The following GOLGA4 variants were observed in gnomAD, a reference collection of about 807,000 sequenced individuals.
GOLGA4 encodes golgin A4.
A neutral mutation model predicts 265.9 loss-of-function variants in GOLGA4; 169 were observed. The observed-to-expected ratio is 0.64, with a 90% CI of 0.56 to 0.72. The LOEUF is 0.72. GOLGA4 is among the 30% of genes least tolerant of loss of function. The probability of loss-of-function intolerance (pLI) is 0.00; values close to 1 mark genes in which losing one functional copy is unlikely to be tolerated. For synonymous variants in GOLGA4, 923 were observed against 855.8 expected (o/e 1.08, Z -1.37); for missense variants, 2,482 against 2,483.4 (o/e 1.00, Z 0.01).
intron 1 of GOLGA4, chr3:37,245,530 TATTG>T (rs1360679683): frequency 6.6e-6 from 1 of 152,206 alleles, no homozygotes; most frequent in East Asian, 1.9e-4. Flanking sequence ...GCTGGTGAAT[TATTG>T]AGTGTGCTTT....
At chr3:37,310,364 G>C (rs151134863) in intron 10 of GOLGA4, among the ~76,000 whole-genome samples, 2 of 152,258 alleles carry the variant, frequency 1.3e-5, no homozygotes. Flanking sequence ...ATTCTTCCTA[G>C]CTGTATCTAA....
At chr3:37,364,489 G>T (rs1231671002) in intron 23 of GOLGA4, among the ~76,000 whole-genome samples, 3 of 151,790 alleles carry the variant, frequency 2.0e-5, no homozygotes, top group Admixed American at 6.6e-5. Context: ...TGATCCACCT[G>T]CCTTGGCCTC....
intron 2 of GOLGA4, among the ~76,000 whole-genome samples, chr3:37,278,084 TCA>T (rs1402891904): frequency 2.0e-5 from 3 of 152,318 alleles, no homozygotes; most frequent in Non-Finnish European, 2.9e-5. Context: ...TAAAATAATC[TCA>T]CTTTTAAATT....
chr3:37,302,505 G>T (rs999373407), intron 10 of GOLGA4, among the ~76,000 whole-genome samples, 173 bp downstream of exon 10: 1 of 152,270 alleles, frequency 6.6e-6, no homozygotes, highest in Admixed American at 6.5e-5. Flanking sequence ...ACTGTGGCCT[G>T]TGGGCCAGAT....
rs36078971 is a variant in GOLGA4 at position 37,363,166 on chromosome 3, G to A, written c.*33+1861G>A. Among the ~76,000 whole-genome samples the A allele has an allele frequency of 1.7e-3, 262 of 152,100 alleles. 2 individuals are homozygous for A. Among genetic ancestry groups the A allele is most frequent in the African/African-American group, 5.9e-3 (244 of 41,490 alleles). Reference sequence around the variant, plus strand: ...AATATATATTATTTGATTTGCCTTAGCGATTATCCAGAACTGTCTTATTTT... The same window carrying A: ...AATATATATTATTTGATTTGCCTTAACGATTATCCAGAACTGTCTTATTTT... On this transcript the variant is annotated intron_variant, in intron 23 of 23. Coordinates refer to ENST00000361924, the MANE Select transcript of GOLGA4 (RefSeq NM_002078.5).
At position 37,257,911 on chromosome 3, in the gene GOLGA4, A is replaced by G. The variant is rs551046770; in HGVS notation, c.162+6427A>G. 4.3e-4 allele frequency among the ~76,000 whole-genome samples: 53 copies of G among 124,516 alleles called. 1 individual carries two copies. The highest frequency in any genetic ancestry group is 1.4e-3 in the African/African-American group (44 of 31,484). The allele number at this position is 124,516 out of a possible 152,430, so 81.7% of individuals were successfully genotyped here. ...TATATATACATATATATATATATAT[A>G]TATGTATGTATATATGTATATATAC... is the stretch of plus-strand genomic sequence containing the variant. On this transcript the variant is annotated intron_variant, in intron 2 of 23. Transcript: ENST00000361924.
intron 9 of GOLGA4, among the ~76,000 whole-genome samples, chr3:37,300,086 A>G (rs2096888854): frequency 6.6e-6 from 1 of 152,116 alleles, no homozygotes; most frequent in Non-Finnish European, 1.5e-5. Context: ...GTGATAATGT[A>G]TATATTAGCA....
intron 2 of GOLGA4, among the ~76,000 whole-genome samples, chr3:37,254,115 A>G (rs987424106): frequency 6.6e-6 from 1 of 152,226 alleles, no homozygotes; most frequent in Non-Finnish European, 1.5e-5. Flanking sequence ...GTCAATCAAT[A>G]TACTGAGTAT....
intron 20 of GOLGA4, among the ~76,000 whole-genome samples, chr3:37,346,305 T>G (rs1463800422): frequency 6.6e-6 from 1 of 152,166 alleles, no homozygotes; most frequent in Non-Finnish European, 1.5e-5. Flanking sequence ...AGTCCTTATA[T>G]CTCTGTTGTT....
At chr3:37,357,716 G>A (rs550198908) in intron 22 of GOLGA4, among the ~76,000 whole-genome samples, 1 of 152,248 alleles carries the variant, frequency 6.6e-6, no homozygotes, top group East Asian at 1.9e-4. Context: ...AAGAATCACT[G>A]TCTTTGAACA....
In GOLGA4 at chr3:37,295,018, G is replaced by C. The variant is rs147726248; in HGVS notation, c.622G>C (p.Glu208Gln). The C allele has an allele frequency of 3.1e-6, 5 of 1,611,202 alleles. No homozygotes were observed. The African/African-American group carries it at 6.7e-5, about 22-fold the overall frequency. The change falls in exon 6 of 24, where the codon GAG (glutamate) becomes CAG (glutamine). Residue 208 changes from glutamate (E) to glutamine (Q), a missense_variant. Transcript: ENST00000361924. Reference protein sequence around the residue: ...MDQQAKKHLQEEFDASLEEKD... With the variant: ...MDQQAKKHLQQEFDASLEEKD... The stretch of plus-strand genomic sequence containing the variant: ...CCAGCAGGCAAAGAAACATCTGCAA[G>C]AGGAGTTTGATGCATCTTTAGAGGA...
At chr3:37,350,916 T>C (rs2097071971) in intron 21 of GOLGA4, among the ~76,000 whole-genome samples, 1 of 152,148 alleles carries the variant, frequency 6.6e-6, no homozygotes, top group African/African-American at 2.4e-5. Context: ...GGATATTACC[T>C]CTATGTTGAT....
chr3:37,326,128 G>A lies in GOLGA4; in HGVS notation c.4242G>A (p.Val1414=), dbSNP rs751049338. The part of the protein sequence containing the change: ...DEEKCELLDQ[V]QDLSFKVDTL... Reference sequence around the variant, plus strand: ...AAAAATGTGAATTGCTGGATCAGGTGCAAGATTTATCTTTTAAAGTTGACA... The same window carrying A: ...AAAAATGTGAATTGCTGGATCAGGTACAAGATTTATCTTTTAAAGTTGACA... Residue 1414 remains valine, a synonymous_variant, in exon 14 of 24, where the codon GTG becomes GTA. Coordinates refer to ENST00000361924, the MANE Select transcript of GOLGA4 (RefSeq NM_002078.5). 7 of 1,613,730 alleles carry A rather than the reference G, an allele frequency of 4.3e-6. No homozygotes were observed. Among genetic ancestry groups the A allele is most frequent in the Non-Finnish European group, 5.9e-6 (7 of 1,179,744 alleles).
At chr3:37,333,173 G>A (rs2096996878) in intron 16 of GOLGA4, among the ~76,000 whole-genome samples, 1 of 152,194 alleles carries the variant, frequency 6.6e-6, no homozygotes, top group Non-Finnish European at 1.5e-5. Flanking sequence ...TTACCAAATA[G>A]CCTAATCCCA....
At chr3:37,362,144 A>G (rs1696322417) in intron 23 of GOLGA4, among the ~76,000 whole-genome samples, 1 of 152,146 alleles carries the variant, frequency 6.6e-6, no homozygotes, top group Admixed American at 6.5e-5. Context: ...CCAGCTAATA[A>G]TAGTATCAAG....
chr3:37,266,025 CAAA>C (rs745369147), intron 2 of GOLGA4, among the ~76,000 whole-genome samples: 22 of 97,028 alleles, frequency 2.3e-4, no homozygotes, highest in Admixed American at 2.1e-4. Flanking sequence ...GACCTTGTCT[CAAA>C]AAAAAAAAAA....
rs754060288 is a variant in GOLGA4 at position 37,324,437 on chromosome 3, G to A, written c.2551G>A (p.Asp851Asn). 6.2e-7 allele frequency: 1 copy of A among 1,614,178 alleles called. No homozygotes were observed. Among genetic ancestry groups the A allele is most frequent in the South Asian group, 1.1e-5 (1 of 91,076 alleles). ...QVAEVEAQKKDVCTELDAHKI... is the reference protein window; with the variant it reads ...QVAEVEAQKKNVCTELDAHKI... ...TGCTGAAGTTGAAGCACAAAAGAAA[G>A]ATGTTTGTACTGAGTTAGATGCTCA... is the stretch of plus-strand genomic sequence containing the variant. The change falls in exon 14 of 24, where the codon GAT becomes AAT. Residue 851 changes from aspartate (D) to asparagine (N), a missense_variant. By Grantham distance (23) the Asp-to-Asn change is conservative (BLOSUM62 1). Coordinates refer to ENST00000361924, the MANE Select transcript of GOLGA4 (RefSeq NM_002078.5).
intron 22 of GOLGA4, among the ~76,000 whole-genome samples, chr3:37,359,317 A>T (rs1291827667): frequency 6.6e-6 from 1 of 152,106 alleles, no homozygotes; most frequent in Non-Finnish European, 1.5e-5. Flanking sequence ...TTTTTTTTAA[A>T]ATGAGAGTAT....
In GOLGA4 at chr3:37,302,346, G is replaced by A. The variant is rs1578587890; in HGVS notation, c.1234+14G>A. The A allele has an allele frequency of 6.2e-7, 1 of 1,604,378 alleles. No homozygotes were observed. The highest frequency in any genetic ancestry group is 8.5e-7 in the Non-Finnish European group (1 of 1,175,594). On this transcript the variant is annotated intron_variant, in intron 10 of 23. Transcript: ENST00000361924. Reference sequence around the variant, plus strand: ...CCGAAAGAGCTGGTAAGAACTTGAGGGTTACTTGTTTTATGTTGGAACTCA... The same window carrying A: ...CCGAAAGAGCTGGTAAGAACTTGAGAGTTACTTGTTTTATGTTGGAACTCA...
Sources: allele counts gnomAD v4.1 joint callset (sites outside exome capture counted in the v4.1 genomes callset), GRCh38; gene constraint gnomAD v4.1.1; transcripts MANE v1.5; gene names NCBI Gene and HGNC (gene_info 2026-07-23, HGNC 2026-07-21).